Variants in ABCG2 observed in about 807,000 individuals in gnomAD.
The protein encoded by ABCG2 is ATP binding cassette subfamily G member 2 (JR blood group).
In ABCG2, 80 loss-of-function variants were observed where a neutral mutation model predicts 73.5. That is an observed-to-expected ratio of 1.09 (90% CI 0.91 to 1.31). The LOEUF (loss-of-function observed/expected upper bound fraction) is 1.31, where lower values mean the gene tolerates loss of function less well. ABCG2 is among the 50% of genes most tolerant of loss of function. The probability of loss-of-function intolerance (pLI) is 0.00; values close to 1 mark genes in which losing one functional copy is unlikely to be tolerated. For synonymous variants in ABCG2, 269 were observed against 282.4 expected (o/e 0.95, Z 0.48); for missense variants, 796 against 786.2 (o/e 1.01, Z -0.15).
intron 5 of ABCG2, among the ~76,000 whole-genome samples, chr4:88,127,340 C>A (rs1396971628): frequency 6.6e-6 from 1 of 152,160 alleles, no homozygotes; most frequent in Non-Finnish European, 1.5e-5. Flanking sequence ...AATGGCCATA[C>A]TGCCCAAAGT....
intron 5 of ABCG2, among the ~76,000 whole-genome samples, chr4:88,127,785 G>C (rs998532642): frequency 6.6e-6 from 1 of 152,138 alleles, no homozygotes; most frequent in East Asian, 1.9e-4. Context: ...AGACTTAAAT[G>C]TAAGACCTAA....
At chr4:88,159,041 C>A, upstream of ABCG2, 1 of 422,734 alleles carries the variant, frequency 2.4e-6, no homozygotes, top group Non-Finnish European at 4.7e-6. Context: ...TCCTGCCGCG[C>A]TGAGCCGCCA....
At chr4:88,128,803 G>A (rs1428601310) in intron 5 of ABCG2, among the ~76,000 whole-genome samples, 1 of 152,146 alleles carries the variant, frequency 6.6e-6, no homozygotes, top group African/African-American at 2.4e-5. Context: ...GATAGCATTA[G>A]GAGAAATACC....
upstream of ABCG2, among the ~76,000 whole-genome samples, chr4:88,161,055 A>G (rs1373640502): frequency 2.0e-5 from 3 of 151,174 alleles, no homozygotes; most frequent in African/African-American, 7.3e-5. Context: ...GGTGGCTTAC[A>G]CCTGTAATCC....
chr4:88,205,660 A>G (rs1234344998), intron 1 of ABCG2, among the ~76,000 whole-genome samples: 6 of 142,806 alleles, frequency 4.2e-5, no homozygotes, highest in Admixed American at 7.6e-5. Context: ...TTAGCCCTTT[A>G]TCATTTTATC....
At chr4:88,136,256 G>A (rs779659742) in intron 2 of ABCG2, among the ~76,000 whole-genome samples, 6 of 151,744 alleles carry the variant, frequency 4.0e-5, no homozygotes, top group Non-Finnish European at 7.4e-5. Context: ...GTGTGTAGAC[G>A]TATACACATA....
At chr4:88,149,751 T>C (rs1299865575) in intron 1 of ABCG2, among the ~76,000 whole-genome samples, 1 of 152,130 alleles carries the variant, frequency 6.6e-6, no homozygotes, top group Non-Finnish European at 1.5e-5. Flanking sequence ...CTCGGGAGGC[T>C]GAGGCAGGAG....
At chr4:88,195,059 C>T (rs1026407925) in intron 1 of ABCG2, among the ~76,000 whole-genome samples, 1 of 152,156 alleles carries the variant, frequency 6.6e-6, no homozygotes, top group African/African-American at 2.4e-5. Flanking sequence ...ATTCTCTATA[C>T]TTCTTTTACA....
intron 7 of ABCG2, 103 bp downstream of exon 7, chr4:88,118,006 G>T (rs1192344078): frequency 1.8e-6 from 2 of 1,128,382 alleles, no homozygotes; most frequent in Admixed American, 2.6e-5. Flanking sequence ...GATTCTCATG[G>T]TATGTCTACC....
chr4:88,101,225 C>T lies in ABCG2; in HGVS notation c.1367+5G>A, dbSNP rs1461561728. The T allele has an allele frequency of 1.2e-6, 2 of 1,613,848 alleles. No individual in the cohort carries two copies. The highest frequency in any genetic ancestry group is 2.2e-5 in the East Asian group (1 of 44,864). ...GCCCCGTTCCCAGAACAAAGACCTACTCACATGAAGAGCTTCTTCTCTACC... is the reference window on the plus strand; with the variant it reads ...GCCCCGTTCCCAGAACAAAGACCTATTCACATGAAGAGCTTCTTCTCTACC... On this transcript the variant is annotated splice_donor_5th_base_variant and intron_variant, in intron 11 of 15. Coordinates refer to ENST00000237612, the MANE Select transcript of ABCG2 (RefSeq NM_004827.3).
intron 1 of ABCG2, 42 bp from the exon 2 acceptor site, chr4:88,140,056 A>C (rs1337428484): frequency 6.6e-7 from 1 of 1,519,448 alleles, no homozygotes; most frequent in Non-Finnish European, 9.0e-7. Context: ...GTCCAGATAA[A>C]TGAGATTGCA....
At chr4:88,145,482 C>T (rs1011995883) in intron 1 of ABCG2, among the ~76,000 whole-genome samples, 8 of 152,166 alleles carry the variant, frequency 5.3e-5, no homozygotes, top group Non-Finnish European at 1.2e-4. Context: ...TGGCTAGGTG[C>T]TCTAGGACCC....
intron 5 of ABCG2, among the ~76,000 whole-genome samples, chr4:88,125,607 C>CAAAAAAAAAAAAA (rs70957302): frequency 2.9e-4 from 10 of 34,978 alleles, no homozygotes; most frequent in East Asian, 1.1e-3. Context: ...GACTCTGTCT[C>CAAAAAAAAAAAAA]AAAAAAAAAA....
chr4:88,152,721 G>T (rs1219747902), intron 1 of ABCG2, among the ~76,000 whole-genome samples: 1 of 152,112 alleles, frequency 6.6e-6, no homozygotes, highest in Non-Finnish European at 1.5e-5. Context: ...GGGCTCAGAG[G>T]CCTGACATTC....
At chr4:88,093,365 G>A (rs1327150374) in intron 15 of ABCG2, among the ~76,000 whole-genome samples, 1 of 152,044 alleles carries the variant, frequency 6.6e-6, no homozygotes, top group East Asian at 1.9e-4. Context: ...TTAGCCAGGT[G>A]TGGTGGTGGG....
intron 1 of ABCG2, among the ~76,000 whole-genome samples, chr4:88,230,137 C>T (rs1170745538): frequency 6.7e-6 from 1 of 149,462 alleles, no homozygotes; most frequent in Non-Finnish European, 1.5e-5. Flanking sequence ...GGATTACAGG[C>T]GTGTGACACC....
intron 1 of ABCG2, among the ~76,000 whole-genome samples, chr4:88,189,061 C>T (rs1728580366): frequency 1.3e-5 from 2 of 152,060 alleles, no homozygotes; most frequent in Admixed American, 1.3e-4. Context: ...TTCATGAACA[C>T]AGGATGTCTG....
intron 1 of ABCG2, among the ~76,000 whole-genome samples, chr4:88,198,513 G>A (rs1227495284): frequency 6.6e-6 from 1 of 151,958 alleles, no homozygotes; most frequent in African/African-American, 2.4e-5. Context: ...CATGTCTGTA[G>A]TCCCAAGTGC....
At chr4:88,215,097 T>A (rs865790602) in intron 1 of ABCG2, among the ~76,000 whole-genome samples, 2 of 152,030 alleles carry the variant, frequency 1.3e-5, no homozygotes, top group Middle Eastern at 3.4e-3. Context: ...CTTAAAAAAA[T>A]TTTGGAAAAA....
Sources: allele counts gnomAD v4.1 joint callset (sites outside exome capture counted in the v4.1 genomes callset), GRCh38; gene constraint gnomAD v4.1.1; transcripts MANE v1.5; gene names NCBI Gene and HGNC (gene_info 2026-07-23, HGNC 2026-07-21).